The following EGFL7 variants were observed in gnomAD, a reference collection of about 807,000 sequenced individuals.
EGFL7 encodes the protein EGF like domain multiple 7.
A neutral mutation model predicts 37.1 loss-of-function variants in EGFL7; 48 were observed. That is an observed-to-expected ratio of 1.29 (90% CI 1.03 to 1.65). EGFL7 has a LOEUF of 1.65. EGFL7 is among the 40% of genes most tolerant of loss of function. EGFL7 has a pLI of 0.00. For missense variants in EGFL7, 384 were observed against 378.9 expected, an observed-to-expected ratio of 1.01 and a Z score of -0.11; for synonymous variants, 180 against 156.8, an observed-to-expected ratio of 1.15 and a Z score of -1.10.
Position 136,668,379 on chromosome 9 carries a change from C to T in EGFL7, c.80+17C>T. On this transcript the variant is annotated intron_variant, in intron 4 of 10. Coordinates refer to ENST00000308874, the MANE Select transcript of EGFL7 (RefSeq NM_016215.5). ...CCGGCCCGGGTGAGCCAAGCCCTAG[C>T]CTGGGAGTGCTGGGGTGGGGGGACC... 6.3e-7 allele frequency: 1 copy of T among 1,576,542 alleles called. No homozygotes were observed. The highest frequency in any genetic ancestry group is 8.6e-7 in the Non-Finnish European group (1 of 1,160,486).
upstream of EGFL7, chr9:136,662,847 T>G (rs1845231209): frequency 6.6e-6 from 1 of 152,204 alleles, no homozygotes. Flanking sequence ...GAAGTCCGGC[T>G]GGGAAGGGCC....
Position 136,672,047 on chromosome 9 carries a change from T to C in EGFL7, c.758T>C (p.Leu253Pro). 1 of 1,545,982 alleles carries C rather than the reference T, an allele frequency of 6.5e-7. No individual in the cohort carries two copies. Among genetic ancestry groups the C allele is most frequent in the East Asian group, 2.4e-5 (1 of 40,960 alleles). ...CAGCAGCTCGGCCGCATCGACTCCC[T>C]GAGCGAGCAGATTTCCTTCCTGGAG... ...SFQQLGRIDS[L>P]SEQISFLEEQ... is the part of the protein sequence containing the mutation. The change falls in exon 10 of 11, where the codon CTG becomes CCG. Residue 253 changes from leucine to proline, a missense_variant. Coordinates refer to ENST00000308874, the MANE Select transcript of EGFL7 (RefSeq NM_016215.5).
At chr9:136,670,070 T>G in intron 7 of EGFL7, 61 bp downstream of exon 7, 6 of 1,598,110 alleles carry the variant, frequency 3.8e-6, no homozygotes, top group Non-Finnish European at 5.1e-6. Flanking sequence ...TTGCATGTCC[T>G]GGGGTTACTG....
intron 8 of EGFL7, 155 bp downstream of exon 8, chr9:136,670,485 G>A: frequency 1.9e-6 from 2 of 1,033,722 alleles, no homozygotes; most frequent in Non-Finnish European, 2.9e-6. Context: ...GGATAGGTGG[G>A]TTCCCGAGAA....
chr9:136,671,052 C>G, intron 9 of EGFL7, 38 bp downstream of exon 9: 1 of 1,221,344 alleles, frequency 8.2e-7, no homozygotes, highest in Non-Finnish European at 1.1e-6. Context: ...GCAGGCAGTC[C>G]AGGGTGGACC....
chr9:136,670,314 G>A lies in EGFL7; in HGVS notation c.555G>A (p.Val185=). The part of the protein sequence containing the change: ...LCVPKGGPPR[V]APNPTGVDSA... ...TGCCCAAGGGAGGGCCCCCCAGGGT[G>A]GCCCCCAACCCGACAGGTAAACAGC... The change falls in exon 8 of 11, where the codon GTG becomes GTA. Residue 185 remains valine, a synonymous_variant. Coordinates refer to ENST00000308874, the MANE Select transcript of EGFL7 (RefSeq NM_016215.5). The A allele has an allele frequency of 1.3e-6, 2 of 1,585,258 alleles. No homozygotes were observed. Among genetic ancestry groups the A allele is most frequent in the Non-Finnish European group, 1.7e-6 (2 of 1,162,986 alleles).
At chr9:136,661,693 C>T (rs1845156406), upstream of EGFL7, among the ~76,000 whole-genome samples, 1 of 152,298 alleles carries the variant, frequency 6.6e-6, no homozygotes, top group Non-Finnish European at 1.5e-5. Context: ...GGAGCTGGTT[C>T]CTGCTTGAGG....
Position 136,670,021 on chromosome 9 carries a change from T to G in EGFL7, c.409+12T>G. On this transcript the variant is annotated intron_variant, in intron 7 of 10. Coordinates refer to ENST00000308874, the MANE Select transcript of EGFL7 (RefSeq NM_016215.5). ...CACTTGCCAGTCAGGTGAGGCTGGC[T>G]CTACCCTGGGGGGCCCTGGAAGGGT... 1 of 1,591,238 alleles carries G rather than the reference T, an allele frequency of 6.3e-7. No homozygotes were observed. Among genetic ancestry groups the G allele is most frequent in the Non-Finnish European group, 8.6e-7 (1 of 1,166,534 alleles).
rs755214072 is a variant in EGFL7 at position 136,672,031 on chromosome 9, G to A, written c.742G>A (p.Gly248Ser). The A allele has an allele frequency of 5.6e-5, 87 of 1,544,994 alleles. No homozygotes were observed. Among genetic ancestry groups the A allele is most frequent in the Admixed American group, 5.1e-4 (26 of 50,992 alleles). Reference protein sequence around the residue: ...SLLVHSFQQLGRIDSLSEQIS... With the variant: ...SLLVHSFQQLSRIDSLSEQIS... ...CCTGGTGCACTCCTTCCAGCAGCTCGGCCGCATCGACTCCCTGAGCGAGCA... is the reference window on the plus strand; with the variant it reads ...CCTGGTGCACTCCTTCCAGCAGCTCAGCCGCATCGACTCCCTGAGCGAGCA... Residue 248 changes from glycine to serine, a missense_variant, in exon 10 of 11, where the codon GGC (glycine) becomes AGC (serine). Coordinates refer to ENST00000308874, the MANE Select transcript of EGFL7 (RefSeq NM_016215.5).
Position 136,666,477 on chromosome 9 carries a change from C to T in EGFL7, c.-43+1692C>T, listed in dbSNP as rs1302089738. Among the ~76,000 whole-genome samples the T allele has an allele frequency of 1.3e-5, 2 of 152,094 alleles. No homozygotes were observed. Among genetic ancestry groups the T allele is most frequent in the Non-Finnish European group, 2.9e-5 (2 of 67,982 alleles). ...CCCTCCCCGCCCGGCACCCCTGGGT[C>T]GAGGCCGTGGCCCCCCCCGGGGAAA... On this transcript the variant is annotated intron_variant, in intron 3 of 10. Transcript: ENST00000308874. The surrounding 1 kb of genome is among the most constrained non-coding windows in gnomAD (Gnocchi z 6.8).
intron 9 of EGFL7, among the ~76,000 whole-genome samples, chr9:136,671,567 G>GC (rs1010704256): frequency 6.6e-6 from 1 of 151,342 alleles, no homozygotes; most frequent in African/African-American, 2.4e-5. Flanking sequence ...AAGCTTGACA[G>GC]CCCCCCAGAC....
chr9:136,671,823 G>C (rs992116949), intron 9 of EGFL7, 103 bp from the exon 10 acceptor site: 10 of 1,381,568 alleles, frequency 7.2e-6, no homozygotes, highest in Non-Finnish European at 9.4e-6. Flanking sequence ...GCGGAGGCGG[G>C]GGCTGGAGGC....
rs1233809686 is a variant in EGFL7 at position 136,665,842 on chromosome 9, G to T, written c.-43+1057G>T. The T allele has an allele frequency of 2.7e-5, 4 of 146,032 alleles. No individual in the cohort carries two copies. The East Asian group carries it at 5.9e-4, about 22-fold the overall frequency. 9.0% of individuals were successfully genotyped at this position (146,032 alleles called of 1,614,324 possible). A position where few individuals can be genotyped will look rare whatever the true frequency, so the allele number is the denominator to read the frequency against. ...GGTGAGTGCGGAGCGAGCGGGGCGCGCCGGGGTCGGGGTCCGGTCGCCGCC... is the reference window on the plus strand; with the variant it reads ...GGTGAGTGCGGAGCGAGCGGGGCGCTCCGGGGTCGGGGTCCGGTCGCCGCC... On this transcript the variant is annotated intron_variant, in intron 3 of 10. Coordinates refer to ENST00000308874, the MANE Select transcript of EGFL7 (RefSeq NM_016215.5).
At position 136,670,726 on chromosome 9, in the gene EGFL7, C is replaced by T. The variant is rs747185785; in HGVS notation, c.572-224C>T. ...CCGCTGAGACCTCAGCCTTGACCTC[C>T]CTCAGCGTGGCCGGGACCCTGAGCC... is the stretch of plus-strand genomic sequence containing the variant. On this transcript the variant is annotated intron_variant, in intron 8 of 10. Transcript: ENST00000308874. 4 of 758,454 alleles carry T rather than the reference C, an allele frequency of 5.3e-6. No individual in the cohort carries two copies. The South Asian group carries it at 5.6e-5, about 11-fold the overall frequency. 47.0% of individuals were successfully genotyped at this position (758,454 alleles called of 1,614,324 possible).
chr9:136,670,938 C>T lies in EGFL7; in HGVS notation c.572-12C>T, dbSNP rs1197712318. The stretch of plus-strand genomic sequence containing the variant: ...CGGCCGGCCGTGACCCAGCGCCTGG[C>T]TCTGCCCGCAGGAGTGGACAGTGCA... On this transcript the variant is annotated splice_polypyrimidine_tract_variant and intron_variant, in intron 8 of 10. Coordinates refer to ENST00000308874, the MANE Select transcript of EGFL7 (RefSeq NM_016215.5). The T allele has an allele frequency of 1.3e-6, 2 of 1,521,352 alleles. No homozygotes were observed. Among genetic ancestry groups the T allele is most frequent in the Non-Finnish European group, 1.8e-6 (2 of 1,137,614 alleles). The allele number at this position is 1,521,352 out of a possible 1,614,324, so 94.2% of individuals were successfully genotyped here. A position where few individuals can be genotyped will look rare whatever the true frequency, so the allele number is the denominator to read the frequency against.
At chr9:136,670,490 C>T (rs916002804) in intron 8 of EGFL7, 160 bp downstream of exon 8, 6 of 994,782 alleles carry the variant, frequency 6.0e-6, no homozygotes, top group Middle Eastern at 2.6e-4. Flanking sequence ...GGTGGGTTCC[C>T]GAGAACTGGG....
At chr9:136,667,793 C>T (rs1845567452) in intron 3 of EGFL7, among the ~76,000 whole-genome samples, 1 of 152,198 alleles carries the variant, frequency 6.6e-6, no homozygotes, top group Non-Finnish European at 1.5e-5. Flanking sequence ...CTGAGGCCGG[C>T]AGGTCCCTGG....
intron 8 of EGFL7, 44 bp downstream of exon 8, chr9:136,670,374 AGTG>A: frequency 6.6e-7 from 1 of 1,506,290 alleles, no homozygotes; most frequent in Non-Finnish European, 8.9e-7. Flanking sequence ...GCGGGCAGGC[AGTG>A]GACATTGCCG....
intron 9 of EGFL7, 53 bp downstream of exon 9, chr9:136,671,067 G>A: frequency 7.2e-7 from 1 of 1,398,168 alleles, no homozygotes; most frequent in Non-Finnish European, 9.6e-7. Flanking sequence ...TGGACCTGCT[G>A]GAGGAGGTGA....
Sources: gnomAD v4.1 joint callset for allele counts (sites outside exome capture counted in the v4.1 genomes callset) on GRCh38, gnomAD v4.1.1 for gene constraint, Gnocchi (gnomAD v3.1) non-coding constraint, MANE v1.5 for transcripts, NCBI Gene and HGNC (gene_info 2026-07-23, HGNC 2026-07-21) for gene names.